Variants in FAM222B observed in about 807,000 individuals in gnomAD.
The protein encoded by FAM222B is family with sequence similarity 222 member B.
In FAM222B, 12 loss-of-function variants were observed where a neutral mutation model predicts 38.0. The ratio of observed to expected loss-of-function variants is 0.32; its 90% CI spans 0.20 to 0.51. The LOEUF (loss-of-function observed/expected upper bound fraction) is 0.51. Among genes scored for constraint, FAM222B ranks in the 20% least tolerant of loss-of-function variants. The pLI, the probability that FAM222B is intolerant of heterozygous loss-of-function variation, is 0.97. For missense variants in FAM222B, 716 were observed against 754.2 expected (o/e 0.95, Z 0.59); for synonymous variants, 329 against 317.2 (o/e 1.04, Z -0.40).
chr17:28,775,605 C>T (rs569479529), intron 1 of FAM222B, among the ~76,000 whole-genome samples: 2 of 152,048 alleles, frequency 1.3e-5, no homozygotes, highest in African/African-American at 4.8e-5. Flanking sequence ...GGAGGTCATG[C>T]GTGGTGGCTC....
At position 28,812,233 on chromosome 17, in the gene FAM222B, CGCTCCGCAGCGCTCCGTGGGGCTCCTG is replaced by C. The variant is rs906227368; in HGVS notation, c.-41+30422_-41+30448del. 3.9e-5 allele frequency: 6 copies of C among 152,400 alleles called. No homozygotes were observed. In the East Asian group the frequency reaches 1.2e-3, roughly 29 times the overall value. The allele number at this position is 152,400 out of a possible 1,614,324, so 9.4% of individuals were successfully genotyped here. On this transcript the variant is annotated intron_variant, in intron 1 of 2. Transcript: ENST00000581407. The stretch of plus-strand genomic sequence containing the variant: ...CCTTGCGCCCTGGAAAGGTGAGGTT[CGCTCCGCAGCGCTCCGTGGGGCTCCTG>C]GCTCCGCCCCGCCCGCCTTGGGCAG...
intron 1 of FAM222B, among the ~76,000 whole-genome samples, chr17:28,791,274 G>A (rs2036673504): frequency 6.6e-6 from 1 of 151,952 alleles, no homozygotes; most frequent in Admixed American, 6.6e-5. Context: ...AGATCAAAAA[G>A]AGATGAGAGT....
At chr17:28,779,108 T>G (rs2036044899) in intron 1 of FAM222B, among the ~76,000 whole-genome samples, 1 of 151,886 alleles carries the variant, frequency 6.6e-6, no homozygotes, top group Non-Finnish European at 1.5e-5. Flanking sequence ...AAGGTAAAAC[T>G]AGTACCAATT....
Position 28,839,123 on chromosome 17 carries a change from C to T in FAM222B, c.-41+3559G>A, listed in dbSNP as rs546334719. Among the ~76,000 whole-genome samples, 52 of 152,116 alleles carry T rather than the reference C, an allele frequency of 3.4e-4. No individual in the cohort carries two copies. The South Asian group carries it at 0.011, about 32-fold the overall frequency. ...TAGGGAGGCTGAGGCAGGAGAATGG[C>T]GAGAACCCGGGAGGCGGAGCTTGCA... On this transcript the variant is annotated intron_variant, in intron 1 of 2. Transcript: ENST00000581407.
At chr17:28,772,573 CAAAAA>C (rs111471814) in intron 1 of FAM222B, among the ~76,000 whole-genome samples, 24 of 93,046 alleles carry the variant, frequency 2.6e-4, no homozygotes, top group African/African-American at 7.2e-4. Context: ...AAAAAAAATA[CAAAAA>C]AAAAAAAAAA....
Position 28,842,769 on chromosome 17 carries a change from C to A in FAM222B, c.-128G>T. The A allele has an allele frequency of 6.5e-6, 1 of 153,662 alleles. No homozygotes were observed. The highest frequency in any genetic ancestry group is 1.9e-4 in the South Asian group (1 of 5,356). The allele number at this position is 153,662 out of a possible 1,614,324, so 9.5% of individuals were successfully genotyped here. A position where few individuals can be genotyped will look rare whatever the true frequency, so the allele number is the denominator to read the frequency against. On this transcript the variant is annotated 5_prime_UTR_variant, in exon 1 of 3. Coordinates refer to ENST00000581407, the MANE Select transcript of FAM222B (RefSeq NM_001077498.3). ...CTTCTCCACTGCCCGGCCCCTCAGT[C>A]ACCGGCGCAGCTGTGGGGACTACCC...
At chr17:28,786,634 C>T (rs895055910) in intron 1 of FAM222B, among the ~76,000 whole-genome samples, 1 of 152,260 alleles carries the variant, frequency 6.6e-6, no homozygotes, top group Admixed American at 6.5e-5. Flanking sequence ...AGCTGGGCAT[C>T]ATACAGCCCG....
chr17:28,759,162 C>T lies in FAM222B; in HGVS notation c.797G>A (p.Ser266Asn). ...TLQHSQPPDL[S>N]SIVHQINQFC... is the part of the protein sequence containing the mutation. Reference sequence around the variant, plus strand: ...CTGGTTGATCTGGTGCACGATGCTACTCAGGTCCGGAGGCTGGCTGTGCTG... The same window carrying T: ...CTGGTTGATCTGGTGCACGATGCTATTCAGGTCCGGAGGCTGGCTGTGCTG... Residue 266 changes from serine to asparagine, a missense_variant, in exon 3 of 3, where the codon AGT becomes AAT. Ser to Asn is a conservative substitution (Grantham distance 46, BLOSUM62 1). Transcript: ENST00000581407. The surrounding 1 kb of genome is among the most constrained non-coding windows in gnomAD (Gnocchi z 4.8). 1 of 1,612,886 alleles carries T rather than the reference C, an allele frequency of 6.2e-7. No homozygotes were observed. The highest frequency in any genetic ancestry group is 8.5e-7 in the Non-Finnish European group (1 of 1,179,452).
At position 28,766,622 on chromosome 17, in the gene FAM222B, G is replaced by A. The variant is rs756362542; in HGVS notation, c.46C>T (p.Leu16Phe). ...PGPGDLSFQLLSHTQMNTGLQ... is the reference protein window; with the variant it reads ...PGPGDLSFQLFSHTQMNTGLQ... The stretch of plus-strand genomic sequence containing the variant: ...CCAGTGTTCATCTGCGTGTGAGAAA[G>A]AAGCTGAAAGGACAGGTCACCTGGC... Residue 16 changes from leucine to phenylalanine, a missense_variant, in exon 2 of 3, where the codon CTT (leucine) becomes TTT (phenylalanine). By Grantham distance (22) the Leu-to-Phe change is conservative. Coordinates refer to ENST00000581407, the MANE Select transcript of FAM222B (RefSeq NM_001077498.3). 6.2e-7 allele frequency: 1 copy of A among 1,606,598 alleles called. No homozygotes were observed. The highest frequency in any genetic ancestry group is 1.7e-5 in the Admixed American group (1 of 58,922).
intron 1 of FAM222B, among the ~76,000 whole-genome samples, chr17:28,806,765 TA>T: frequency 6.6e-6 from 1 of 152,254 alleles, no homozygotes; most frequent in African/African-American, 2.4e-5. Context: ...AGGGTAGATA[TA>T]GGAAAACTTC....
chr17:28,784,490 T>TCAAAAA (rs2036304686), intron 1 of FAM222B, among the ~76,000 whole-genome samples: 1 of 24,692 alleles, frequency 4.0e-5, no homozygotes. Context: ...ATCCCCTCTC[T>TCAAAAA]TAAAAAAAAA....
intron 1 of FAM222B, among the ~76,000 whole-genome samples, chr17:28,798,519 G>A (rs1476302856): frequency 6.6e-6 from 1 of 152,140 alleles, no homozygotes; most frequent in East Asian, 1.9e-4. Context: ...TTACCTGTTA[G>A]TTTCAGTGCA....
At chr17:28,817,242 T>C (rs1335678938) in intron 1 of FAM222B, among the ~76,000 whole-genome samples, 1 of 151,170 alleles carries the variant, frequency 6.6e-6, no homozygotes, top group East Asian at 1.9e-4. Context: ...TGAAACCCCA[T>C]CTCTACTAAA....
chr17:28,763,052 C>A (rs2035161454), intron 2 of FAM222B, among the ~76,000 whole-genome samples: 1 of 152,176 alleles, frequency 6.6e-6, no homozygotes, highest in Non-Finnish European at 1.5e-5. Flanking sequence ...ACAGATACCA[C>A]AGCTTTGTAA....
chr17:28,775,190 A>G (rs910898820), intron 1 of FAM222B, among the ~76,000 whole-genome samples: 7 of 151,434 alleles, frequency 4.6e-5, no homozygotes, highest in Non-Finnish European at 8.8e-5. Context: ...TAGTACAAAC[A>G]GGGTTTCACC....
intron 1 of FAM222B, among the ~76,000 whole-genome samples, chr17:28,775,299 G>A: frequency 6.6e-6 from 1 of 151,752 alleles, no homozygotes; most frequent in South Asian, 2.1e-4. Flanking sequence ...TTTTTGATGG[G>A]AAAAGGAGGA....
At chr17:28,804,828 G>C (rs1047342853) in intron 1 of FAM222B, among the ~76,000 whole-genome samples, 3 of 148,028 alleles carry the variant, frequency 2.0e-5, no homozygotes, top group Non-Finnish European at 4.5e-5. Context: ...AGATCACAAG[G>C]TCAGGATATC....
chr17:28,798,639 C>CT (rs35469781), intron 1 of FAM222B, among the ~76,000 whole-genome samples: 61,852 of 145,550 alleles, frequency 0.42, 15,464 homozygotes, highest in East Asian at 0.58. Flanking sequence ...CTTGCACCCC[C>CT]TTTTTTTTTT....
At chr17:28,766,485 A>C in intron 2 of FAM222B, 101 bp downstream of exon 2, 1 of 914,302 alleles carries the variant, frequency 1.1e-6, no homozygotes. Flanking sequence ...AAAGGTGTCA[A>C]AATTCAAGGT....
Sources: gnomAD v4.1 joint callset for allele counts (sites outside exome capture counted in the v4.1 genomes callset) on GRCh38, gnomAD v4.1.1 for gene constraint, Gnocchi (gnomAD v3.1) non-coding constraint, MANE v1.5 for transcripts, NCBI Gene and HGNC (gene_info 2026-07-23, HGNC 2026-07-21) for gene names.